EBF1: variants seen among roughly 807,000 people sequenced by gnomAD.
EBF1 encodes the protein transcription factor COE1.
EBF1 carries 10 observed loss-of-function variants against 68.4 expected under a neutral mutation model. That is an observed-to-expected ratio of 0.15 (90% CI 0.09 to 0.25). EBF1 has a LOEUF of 0.25. EBF1 is among the 10% of genes least tolerant of loss of function. The probability of loss-of-function intolerance (pLI) is 1.00; values close to 1 mark genes in which losing one functional copy is unlikely to be tolerated. For missense variants in EBF1, 509 were observed against 794.4 expected (o/e 0.64, Z 4.32); for synonymous variants, 298 against 299.8 (o/e 0.99, Z 0.06).
At chr5:158,929,063 G>A (rs928488852) in intron 6 of EBF1, among the ~76,000 whole-genome samples, 1 of 152,016 alleles carries the variant, frequency 6.6e-6, no homozygotes, top group Admixed American at 6.6e-5. Flanking sequence ...ATCCATTTTC[G>A]AAAAGTCTAG....
chr5:159,015,609 C>T (rs1765476591), intron 6 of EBF1, among the ~76,000 whole-genome samples: 1 of 152,202 alleles, frequency 6.6e-6, no homozygotes, highest in Non-Finnish European at 1.5e-5. Context: ...CCATGCCAGG[C>T]CAGACCTCTG....
intron 9 of EBF1, among the ~76,000 whole-genome samples, chr5:158,795,637 C>T (rs1255017765): frequency 3.9e-5 from 6 of 152,166 alleles, no homozygotes; most frequent in East Asian, 1.9e-4. Flanking sequence ...AGATTTGCCA[C>T]GGCATCTATA....
intron 6 of EBF1, among the ~76,000 whole-genome samples, chr5:158,844,664 C>A (rs918843428): frequency 6.6e-6 from 1 of 152,162 alleles, no homozygotes; most frequent in African/African-American, 2.4e-5. Context: ...ATAATTTTCC[C>A]AACATAATAT....
At chr5:159,061,531 GGGA>G (rs1232684823) in intron 6 of EBF1, among the ~76,000 whole-genome samples, 7 of 152,244 alleles carry the variant, frequency 4.6e-5, no homozygotes, top group Admixed American at 3.3e-4. Flanking sequence ...GTGGAGAAGA[GGGA>G]GGAGGAGCCC....
intron 10 of EBF1, among the ~76,000 whole-genome samples, chr5:158,761,507 C>T (rs1188833781): frequency 6.6e-6 from 1 of 152,174 alleles, no homozygotes; most frequent in Non-Finnish European, 1.5e-5. Flanking sequence ...TACAGTGCAG[C>T]CAGTGGTAAT....
intron 6 of EBF1, chr5:158,985,662 T>C (rs1758876246): frequency 6.6e-6 from 1 of 152,256 alleles, no homozygotes; most frequent in African/African-American, 2.4e-5. Context: ...TGGATCCACA[T>C]ATCCTTTTTG....
intron 6 of EBF1, among the ~76,000 whole-genome samples, chr5:158,879,659 A>G (rs1798465075): frequency 6.6e-6 from 1 of 152,198 alleles, no homozygotes; most frequent in Non-Finnish European, 1.5e-5. Flanking sequence ...ACATGTATAC[A>G]TATGTAAGAA....
chr5:159,031,441 G>C (rs1014938668), intron 6 of EBF1, among the ~76,000 whole-genome samples: 2 of 145,030 alleles, frequency 1.4e-5, no homozygotes, highest in Non-Finnish European at 1.5e-5. Context: ...TTAATGCCCA[G>C]CATATGCATA....
chr5:158,957,756 A>T (rs1032912740), intron 6 of EBF1, among the ~76,000 whole-genome samples: 3 of 152,154 alleles, frequency 2.0e-5, no homozygotes, highest in African/African-American at 7.2e-5. Context: ...AACATTTCAT[A>T]GTTCCTTTAT....
chr5:158,848,112 T>G (rs1791890320), intron 6 of EBF1, among the ~76,000 whole-genome samples: 1 of 152,212 alleles, frequency 6.6e-6, no homozygotes, highest in African/African-American at 2.4e-5. Flanking sequence ...CAGTTTACTC[T>G]GTACAACAGT....
intron 15 of EBF1, among the ~76,000 whole-genome samples, chr5:158,703,687 G>C (rs1428882757): frequency 6.6e-6 from 1 of 150,602 alleles, no homozygotes; most frequent in East Asian, 2.0e-4. Flanking sequence ...CTGGAATCAT[G>C]ATAGAATCTG....
At chr5:159,007,401 C>T (rs534574545) in intron 6 of EBF1, among the ~76,000 whole-genome samples, 6 of 152,260 alleles carry the variant, frequency 3.9e-5, no homozygotes, top group African/African-American at 1.4e-4. Context: ...TTCTGGAATG[C>T]TTTTGGATGA....
intron 6 of EBF1, among the ~76,000 whole-genome samples, chr5:158,881,620 C>A (rs960013705): frequency 6.6e-6 from 1 of 152,192 alleles, no homozygotes; most frequent in African/African-American, 2.4e-5. Flanking sequence ...ATTCCCAGCT[C>A]TATGGGAAGT....
chr5:158,736,446 C>CT (rs374380950), intron 10 of EBF1, among the ~76,000 whole-genome samples: 1 of 152,050 alleles, frequency 6.6e-6, no homozygotes, highest in South Asian at 2.1e-4. Flanking sequence ...TTTTAATTTC[C>CT]TTTTTTTAAT....
intron 5 of EBF1, among the ~76,000 whole-genome samples, chr5:159,075,356 C>T (rs1013571940): frequency 2.6e-5 from 4 of 152,176 alleles, no homozygotes; most frequent in Non-Finnish European, 4.4e-5. Context: ...AGCAGGTCTC[C>T]AAAAGCAGCC....
chr5:158,862,907 G>A (rs1162267943), intron 6 of EBF1, among the ~76,000 whole-genome samples: 1 of 152,172 alleles, frequency 6.6e-6, no homozygotes, highest in Non-Finnish European at 1.5e-5. Context: ...TCACATTCTT[G>A]AACGATTGAA....
intron 6 of EBF1, among the ~76,000 whole-genome samples, chr5:158,870,109 A>G (rs1796628611): frequency 6.6e-6 from 1 of 152,216 alleles, no homozygotes; most frequent in African/African-American, 2.4e-5. Context: ...CTAGATTTAG[A>G]GAGCCCACAA....
intron 6 of EBF1, among the ~76,000 whole-genome samples, chr5:158,947,941 A>C (rs1169046378): frequency 6.6e-6 from 1 of 152,202 alleles, no homozygotes; most frequent in Non-Finnish European, 1.5e-5. Flanking sequence ...TTAAAGCACT[A>C]GTTCTCTTGG....
At chr5:158,830,836 G>A (rs763746594) in intron 7 of EBF1, among the ~76,000 whole-genome samples, 15 of 152,140 alleles carry the variant, frequency 9.9e-5, no homozygotes, top group East Asian at 3.8e-4. Flanking sequence ...TATGGAGGAC[G>A]CGTGAACCTA....
Sources: gnomAD v4.1 joint callset for allele counts (sites outside exome capture counted in the v4.1 genomes callset) on GRCh38, gnomAD v4.1.1 for gene constraint, MANE v1.5 for transcripts, NCBI Gene and HGNC (gene_info 2026-07-23, HGNC 2026-07-21) for gene names.